Variants in PPP2R2B observed in about 807,000 individuals in gnomAD.
PPP2R2B encodes the protein protein phosphatase 2 regulatory subunit Bbeta, also known as serine/threonine-protein phosphatase 2A 55 kDa regulatory subunit B beta isoform.
Under a neutral mutation model 46.0 loss-of-function variants are expected in PPP2R2B, and 5 were observed. The ratio of observed to expected loss-of-function variants is 0.11; its 90% CI spans 0.06 to 0.23. PPP2R2B has a LOEUF of 0.23. Among genes scored for constraint, PPP2R2B ranks in the 10% least tolerant of loss-of-function variants. PPP2R2B has a pLI of 1.00. For missense variants in PPP2R2B, 367 were observed against 575.0 expected (o/e 0.64, Z 3.70); for synonymous variants, 215 against 206.7 (o/e 1.04, Z -0.34).
At chr5:146,701,223 C>T (rs1779518844) in intron 2 of PPP2R2B, 81 bp from the exon 3 acceptor site, 6 of 1,191,684 alleles carry the variant, frequency 5.0e-6, no homozygotes, top group Admixed American at 1.7e-5. Flanking sequence ...CTTTTCTGTG[C>T]ATTTAAGGGC....
chr5:147,024,579 A>C (rs116824713), intron 1 of PPP2R2B, among the ~76,000 whole-genome samples: 1 of 152,160 alleles, frequency 6.6e-6, no homozygotes, highest in African/African-American at 2.4e-5. Context: ...CTACAAAGTG[A>C]GGCTCAGAGA....
chr5:146,833,996 G>A (rs917901466), intron 2 of PPP2R2B, among the ~76,000 whole-genome samples: 4 of 152,020 alleles, frequency 2.6e-5, no homozygotes, highest in African/African-American at 9.7e-5. Context: ...ACCTAACGTG[G>A]CTCTAAAATG....
In PPP2R2B at chr5:146,986,689, A is replaced by G. The variant is rs1237508188; in HGVS notation, c.79+68976T>C. ...AGAAATAATCAGTGAGCTTGAAGAC[A>G]GGCTATTTGAAAATACACAGTCAGA... On this transcript the variant is annotated intron_variant, in intron 1 of 8. Coordinates refer to the PPP2R2B transcript ENST00000336640. 2.0e-5 allele frequency among the ~76,000 whole-genome samples: 3 copies of G among 152,220 alleles called. No individual in the cohort carries two copies. The East Asian group carries it at 5.8e-4, about 29-fold the overall frequency.
At chr5:146,659,798 T>G (rs984381693) in intron 5 of PPP2R2B, among the ~76,000 whole-genome samples, 1 of 152,192 alleles carries the variant, frequency 6.6e-6, no homozygotes, top group Admixed American at 6.5e-5. Flanking sequence ...GCTGTCTGGC[T>G]CCAGCCCCTA....
chr5:146,966,299 G>T (rs2151845248), intron 1 of PPP2R2B, among the ~76,000 whole-genome samples: 1 of 152,304 alleles, frequency 6.6e-6, no homozygotes, highest in African/African-American at 2.4e-5. Flanking sequence ...AGGTCACCTG[G>T]TCACACATGG....
At chr5:147,055,628 CCCA>C (rs771148564) in intron 1 of PPP2R2B, 1 of 1,561,992 alleles carries the variant, frequency 6.4e-7, no homozygotes, top group Non-Finnish European at 8.8e-7. Flanking sequence ...GCCCACTTTT[CCCA>C]CCCACCCAGA....
intron 1 of PPP2R2B, among the ~76,000 whole-genome samples, chr5:146,900,075 G>C (rs1431231390): frequency 6.6e-6 from 1 of 152,166 alleles, no homozygotes; most frequent in African/African-American, 2.4e-5. Flanking sequence ...CCTACCAACT[G>C]ACTGAATGGC....
At chr5:146,906,185 T>C (rs1230993474) in intron 1 of PPP2R2B, among the ~76,000 whole-genome samples, 1 of 152,060 alleles carries the variant, frequency 6.6e-6, no homozygotes, top group Non-Finnish European at 1.5e-5. Flanking sequence ...AAAAAAGACA[T>C]AAAGTAGCTC....
intron 1 of PPP2R2B, chr5:146,919,689 A>C (rs535333010): frequency 6.6e-6 from 1 of 152,206 alleles, no homozygotes; most frequent in Admixed American, 6.6e-5. Context: ...CTCACCTGCC[A>C]CAACTGGACA....
intron 2 of PPP2R2B, among the ~76,000 whole-genome samples, chr5:147,078,530 G>A (rs1403338727): frequency 6.6e-6 from 1 of 152,146 alleles, no homozygotes; most frequent in South Asian, 2.1e-4. Context: ...GCTCACGCCT[G>A]TAATCCCAGC....
intron 9 of PPP2R2B, among the ~76,000 whole-genome samples, chr5:146,591,506 G>T (rs548351417): frequency 2.0e-5 from 3 of 152,116 alleles, no homozygotes; most frequent in South Asian, 4.2e-4. Flanking sequence ...GAAGTAATTT[G>T]CTCAGTGTCA....
intron 2 of PPP2R2B, among the ~76,000 whole-genome samples, chr5:147,066,745 AT>A (rs974072472): frequency 2.0e-5 from 3 of 151,524 alleles, no homozygotes; most frequent in East Asian, 1.9e-4. Flanking sequence ...TCTAATCATG[AT>A]TTTTTTTTGT....
intron 1 of PPP2R2B, among the ~76,000 whole-genome samples, chr5:147,011,316 A>G (rs983335475): frequency 2.0e-5 from 3 of 151,912 alleles, no homozygotes; most frequent in Non-Finnish European, 4.4e-5. Context: ...CCATCCCTAC[A>G]TAGGAGCTTT....
In PPP2R2B at chr5:146,732,499, G is replaced by T. The variant is rs191530943; in HGVS notation, c.71-31357C>A. Among the ~76,000 whole-genome samples, 3 of 152,280 alleles carry T rather than the reference G, an allele frequency of 2.0e-5. No individual in the cohort carries two copies. In the East Asian group the frequency reaches 5.8e-4, roughly 29 times the overall value. On this transcript the variant is annotated intron_variant, in intron 2 of 9. Coordinates refer to ENST00000394411, the MANE Select transcript of PPP2R2B (RefSeq NM_181675.4). Reference sequence around the variant, plus strand: ...ATGGCCTTGAAATCAGGAACAAAGGGCAATCTTGCAGAGGTATAAGAGGAA... The same window carrying T: ...ATGGCCTTGAAATCAGGAACAAAGGTCAATCTTGCAGAGGTATAAGAGGAA...
intron 2 of PPP2R2B, among the ~76,000 whole-genome samples, chr5:146,745,396 A>T (rs1420806374): frequency 2.0e-5 from 3 of 152,218 alleles, no homozygotes. Context: ...TCTAAAGAAG[A>T]TCTGATTTGC....
intron 1 of PPP2R2B, among the ~76,000 whole-genome samples, chr5:146,887,706 T>G (rs1371980608): frequency 6.6e-6 from 1 of 152,222 alleles, no homozygotes; most frequent in African/African-American, 2.4e-5. Flanking sequence ...GTTCAACATG[T>G]ATACCTTCAA....
intron 1 of PPP2R2B, among the ~76,000 whole-genome samples, chr5:146,914,889 C>T (rs1763323219): frequency 6.6e-6 from 1 of 152,152 alleles, no homozygotes; most frequent in Admixed American, 6.5e-5. Context: ...TCAAATGTAT[C>T]TCCCCTACTA....
chr5:146,956,901 T>C (rs1167305230), intron 1 of PPP2R2B, among the ~76,000 whole-genome samples: 1 of 152,178 alleles, frequency 6.6e-6, no homozygotes, highest in East Asian at 1.9e-4. Flanking sequence ...TTTGAGGGCA[T>C]TAATCCCATT....
intron 7 of PPP2R2B, among the ~76,000 whole-genome samples, chr5:146,622,275 C>T (rs1297987468): frequency 6.6e-6 from 1 of 152,168 alleles, no homozygotes; most frequent in East Asian, 1.9e-4. Context: ...TAATAAAATA[C>T]TAAAAAATAT....
Sources: gnomAD v4.1 joint callset for allele counts (sites outside exome capture counted in the v4.1 genomes callset) on GRCh38, gnomAD v4.1.1 for gene constraint, MANE v1.5 for transcripts, NCBI Gene and HGNC (gene_info 2026-07-23, HGNC 2026-07-21) for gene names.